The following SLC39A11 variants were observed in gnomAD, a reference collection of about 807,000 sequenced individuals.
SLC39A11 encodes the protein solute carrier family 39 member 11, also known as zinc transporter ZIP11.
In SLC39A11, 33 loss-of-function variants were observed where a neutral mutation model predicts 36.1. That is an observed-to-expected ratio of 0.91 (90% CI 0.69 to 1.22). The LOEUF (loss-of-function observed/expected upper bound fraction) is 1.22. SLC39A11 is among the 50% of genes most tolerant of loss of function. The probability of loss-of-function intolerance (pLI) is 0.00; values close to 1 mark genes in which losing one functional copy is unlikely to be tolerated. For synonymous variants in SLC39A11, 166 were observed against 170.3 expected, an observed-to-expected ratio of 0.97 and a Z score of 0.20; for missense variants, 432 against 430.3, an observed-to-expected ratio of 1.00 and a Z score of -0.03.
chr17:72,958,015 G>C lies in SLC39A11; in HGVS notation c.307-10140C>G, dbSNP rs1598594123. Among the ~76,000 whole-genome samples, 4 of 152,118 alleles carry C rather than the reference G, an allele frequency of 2.6e-5. No individual in the cohort carries two copies. The South Asian group carries it at 8.3e-4, about 32-fold the overall frequency. On this transcript the variant is annotated intron_variant, in intron 4 of 9. Coordinates refer to ENST00000255559, the MANE Select transcript of SLC39A11 (RefSeq NM_139177.4). ...CTCAACATCATCAACAACAAAAATA[G>C]ACACATAGACCGATGGAACAGAATA...
intron 3 of SLC39A11, among the ~76,000 whole-genome samples, chr17:73,052,921 G>A (rs1011064987): frequency 1.3e-5 from 2 of 152,148 alleles, no homozygotes; most frequent in African/African-American, 2.4e-5. Flanking sequence ...GGCTGGTCTC[G>A]AACTCCTGAC....
chr17:73,035,970 G>T lies in SLC39A11; in HGVS notation c.148-4256C>A, dbSNP rs140857472. ...GAGATTGAAAGATGCCATGCTGCTGGCTTGAGGATGAAGAAAAGGCCATCT... is the reference window on the plus strand; with the variant it reads ...GAGATTGAAAGATGCCATGCTGCTGTCTTGAGGATGAAGAAAAGGCCATCT... On this transcript the variant is annotated intron_variant, in intron 3 of 9. Coordinates refer to ENST00000255559, the MANE Select transcript of SLC39A11 (RefSeq NM_139177.4). Among the ~76,000 whole-genome samples, 167 of 152,052 alleles carry T rather than the reference G, an allele frequency of 1.1e-3. 1 individual carries two copies. The highest frequency in any genetic ancestry group is 3.9e-3 in the African/African-American group (163 of 41,488).
intron 5 of SLC39A11, among the ~76,000 whole-genome samples, chr17:72,880,454 C>A (rs2081138846): frequency 1.3e-5 from 2 of 152,048 alleles, no homozygotes; most frequent in African/African-American, 4.8e-5. Flanking sequence ...TGCCTGTGGT[C>A]ACAGCTACTT....
chr17:72,889,680 C>T (rs2146695706), intron 5 of SLC39A11, among the ~76,000 whole-genome samples: 1 of 152,314 alleles, frequency 6.6e-6, no homozygotes, highest in East Asian at 1.9e-4. Flanking sequence ...CAATTTTCAA[C>T]AGCACATAAT....
intron 6 of SLC39A11, among the ~76,000 whole-genome samples, chr17:72,774,985 C>T (rs892116352): frequency 2.7e-5 from 4 of 149,518 alleles, no homozygotes; most frequent in African/African-American, 1.0e-4. Flanking sequence ...GTAATGGTGT[C>T]TGGCTACAAA....
intron 7 of SLC39A11, among the ~76,000 whole-genome samples, chr17:72,701,420 G>C (rs2072611366): frequency 6.6e-6 from 1 of 152,146 alleles, no homozygotes; most frequent in South Asian, 2.1e-4. Flanking sequence ...GAGATAGTGA[G>C]TGATGCAGTT....
At chr17:73,030,523 C>A (rs2058705303) in intron 4 of SLC39A11, among the ~76,000 whole-genome samples, 1 of 152,144 alleles carries the variant, frequency 6.6e-6, no homozygotes. Flanking sequence ...GGTACATGAC[C>A]ACTGACTCCA....
rs1051528368 is a variant in SLC39A11 at position 73,082,006 on chromosome 17, G to A, written c.147+2802C>T. Among the ~76,000 whole-genome samples the A allele has an allele frequency of 5.3e-5, 8 of 150,148 alleles. No individual in the cohort carries two copies. The Admixed American group carries it at 5.4e-4, about 10-fold the overall frequency. On this transcript the variant is annotated intron_variant, in intron 3 of 9. Transcript: ENST00000255559. Reference sequence around the variant, plus strand: ...GAGCGATAAAAGACTACATATTGGGGACAGTGTACATTGCTTGGGTGATGG... The same window carrying A: ...GAGCGATAAAAGACTACATATTGGGAACAGTGTACATTGCTTGGGTGATGG...
chr17:72,924,505 T>C (rs1264261879), intron 5 of SLC39A11, among the ~76,000 whole-genome samples: 2 of 152,006 alleles, frequency 1.3e-5, no homozygotes, highest in Non-Finnish European at 2.9e-5. Flanking sequence ...ATGAATGATA[T>C]CCCCAAAAGA....
At chr17:72,810,131 T>C (rs2077389539) in intron 6 of SLC39A11, among the ~76,000 whole-genome samples, 1 of 148,454 alleles carries the variant, frequency 6.7e-6, no homozygotes, top group Admixed American at 6.7e-5. Flanking sequence ...CTAGTAATAA[T>C]AATACTTGAA....
At chr17:72,860,569 G>A (rs1185781662) in intron 5 of SLC39A11, among the ~76,000 whole-genome samples, 1 of 152,188 alleles carries the variant, frequency 6.6e-6, no homozygotes, top group Non-Finnish European at 1.5e-5. Context: ...TTGCTGGCAT[G>A]CTGGACAAAG....
chr17:72,816,465 G>C (rs1333858877), intron 6 of SLC39A11, among the ~76,000 whole-genome samples: 3 of 149,652 alleles, frequency 2.0e-5, no homozygotes, highest in Non-Finnish European at 4.4e-5. Flanking sequence ...ACATTTAAAA[G>C]CTGTGGCACA....
chr17:72,711,046 T>G (rs887643432), intron 7 of SLC39A11, among the ~76,000 whole-genome samples: 3 of 152,240 alleles, frequency 2.0e-5, no homozygotes, highest in Admixed American at 1.3e-4. Context: ...TCATACAGCA[T>G]GCAAGGCCTC....
chr17:72,691,765 T>A (rs2072038800), intron 7 of SLC39A11, among the ~76,000 whole-genome samples: 1 of 152,176 alleles, frequency 6.6e-6, no homozygotes, highest in Non-Finnish European at 1.5e-5. Flanking sequence ...CATTTGGGAA[T>A]GTTTTCTCTA....
rs539396611 is a variant in SLC39A11, at chr17:73,012,770, TTTTA to T, written c.306+18782_306+18785del. Among the ~76,000 whole-genome samples the T allele has an allele frequency of 4.6e-5, 7 of 152,016 alleles. No homozygotes were observed. The East Asian group carries it at 9.7e-4, about 21-fold the overall frequency. ...CCATGTGTACCCAATGTTTATTTTA[TTTTA>T]TTTATTTATTTATTTAGAGCCACAT... On this transcript the variant is annotated intron_variant, in intron 4 of 9. Transcript: ENST00000255559.
At chr17:72,814,206 A>G (rs1419598394) in intron 6 of SLC39A11, among the ~76,000 whole-genome samples, 1 of 152,218 alleles carries the variant, frequency 6.6e-6, no homozygotes, top group Non-Finnish European at 1.5e-5. Context: ...ACCATACTGG[A>G]CCGTGCAGAT....
At chr17:72,761,217 C>T (rs993291262) in intron 6 of SLC39A11, among the ~76,000 whole-genome samples, 2 of 152,048 alleles carry the variant, frequency 1.3e-5, no homozygotes, top group Non-Finnish European at 2.9e-5. Flanking sequence ...TGGGTTCAAG[C>T]GATTCTCCTG....
At chr17:72,859,822 A>C (rs1294161677) in intron 5 of SLC39A11, among the ~76,000 whole-genome samples, 1 of 135,610 alleles carries the variant, frequency 7.4e-6, no homozygotes, top group Non-Finnish European at 1.6e-5. Context: ...CCCTGTCTCT[A>C]CTAAAGCTAC....
intron 7 of SLC39A11, among the ~76,000 whole-genome samples, chr17:72,668,114 G>A (rs1050396884): frequency 6.6e-6 from 1 of 152,014 alleles, no homozygotes; most frequent in South Asian, 2.1e-4. Flanking sequence ...TTTCCTCTGT[G>A]GGGTGGAATC....
Sources: allele counts gnomAD v4.1 joint callset (sites outside exome capture counted in the v4.1 genomes callset), GRCh38; gene constraint gnomAD v4.1.1; transcripts MANE v1.5; gene names NCBI Gene and HGNC (gene_info 2026-07-23, HGNC 2026-07-21).